Variants in AKT1S1 observed in about 807,000 individuals in gnomAD.
AKT1S1 encodes the protein AKT1 substrate 1, also known as proline-rich AKT1 substrate 1.
AKT1S1 carries 17 observed loss-of-function variants against 21.2 expected under a neutral mutation model. That is an observed-to-expected ratio of 0.80 (90% confidence interval 0.55 to 1.20). The LOEUF is 1.20. AKT1S1 is among the 50% of genes most tolerant of loss of function. The pLI, the probability that AKT1S1 is intolerant of heterozygous loss-of-function variation, is 0.00. For synonymous variants in AKT1S1, 181 were observed against 165.6 expected (o/e 1.09, Z -0.72); for missense variants, 366 against 368.3 (o/e 0.99, Z 0.05).
intron 1 of AKT1S1, chr19:49,876,206 G>A (rs898615936): frequency 1.9e-6 from 2 of 1,027,634 alleles, no homozygotes; most frequent in South Asian, 4.5e-5. Flanking sequence ...AACCTCGCCC[G>A]GGGTCCAGGG....
At position 49,871,679 on chromosome 19, in the gene AKT1S1, G is replaced by A. The variant is rs368386866; in HGVS notation, c.495C>T (p.Pro165=). The change falls in exon 4 of 5, where the codon CCC becomes CCT. Residue 165 remains proline (P), a synonymous_variant. Transcript: ENST00000344175. ...SLSEETPAGP[P]TCSVPPASAL... is the part of the protein sequence containing the mutation. ...CTGAGGCTGGGGGCACTGAGCAGGT[G>A]GGGGGGCCGGCGGGGGTCTCCTCGC... is the stretch of plus-strand genomic sequence containing the variant. 3.1e-6 allele frequency: 5 copies of A among 1,613,068 alleles called. No homozygotes were observed. Among genetic ancestry groups the A allele is most frequent in the Non-Finnish European group, 4.2e-6 (5 of 1,179,558 alleles).
At position 49,873,663 on chromosome 19, in the gene AKT1S1, T is replaced by G; in HGVS notation, c.-7-361A>C. 1 of 232,314 alleles carries G rather than the reference T, an allele frequency of 4.3e-6. No homozygotes were observed. The highest frequency in any genetic ancestry group is 9.3e-5 in the East Asian group (1 of 10,786). 14.4% of individuals were successfully genotyped at this position (232,314 alleles called of 1,614,324 possible). A position where few individuals can be genotyped will look rare whatever the true frequency, so the allele number is the denominator to read the frequency against. On this transcript the variant is annotated intron_variant, in intron 1 of 4. Transcript: ENST00000344175. This position sits in a 1 kb window ranked among gnomAD's most constrained non-coding sequence, Gnocchi z 6.9. ...GTCCTAGCAGAGAGGCCTCTAACAATAAAACCTGCACTGGGTTCTGAAGAC... is the reference window on the plus strand; with the variant it reads ...GTCCTAGCAGAGAGGCCTCTAACAAGAAAACCTGCACTGGGTTCTGAAGAC...
At chr19:49,875,615 C>A (rs1000415858) in intron 1 of AKT1S1, among the ~76,000 whole-genome samples, 1 of 152,176 alleles carries the variant, frequency 6.6e-6, no homozygotes, top group Admixed American at 6.5e-5. Context: ...GGGCCTCCAG[C>A]CCCTAATGAC....
At chr19:49,872,558 C>T (rs1272664902) in intron 2 of AKT1S1, among the ~76,000 whole-genome samples, 2 of 150,030 alleles carry the variant, frequency 1.3e-5, no homozygotes, top group African/African-American at 2.4e-5. Flanking sequence ...GCCTCCCAGG[C>T]GTTGTGGAAA....
intron 3 of AKT1S1, 27 bp downstream of exon 3, chr19:49,871,785 G>A (rs781763320): frequency 3.5e-5 from 57 of 1,611,524 alleles, no homozygotes; most frequent in South Asian, 2.0e-4. Flanking sequence ...CCCTCAGGTC[G>A]GGAGGGGAAC....
rs1308812591 is a variant in AKT1S1, at chr19:49,873,360, CCACT to C, written c.-7-62_-7-59del. On this transcript the variant is annotated intron_variant, in intron 1 of 4. Coordinates refer to ENST00000344175, the MANE Select transcript of AKT1S1 (RefSeq NM_001098633.4). This position sits in a 1 kb window ranked among gnomAD's most constrained non-coding sequence, Gnocchi z 6.9. ...GCTTGGCGGCCTACATCATCGCCACCCACTCAGAGTGCCCGCCCGTCCCCTGGAT... is the reference window on the plus strand; with the variant it reads ...GCTTGGCGGCCTACATCATCGCCACCCAGAGTGCCCGCCCGTCCCCTGGAT... 3.1e-5 allele frequency: 43 copies of C among 1,389,428 alleles called. No homozygotes were observed. The highest frequency in any genetic ancestry group is 3.2e-5 in the Non-Finnish European group (35 of 1,079,800). 86.1% of individuals were successfully genotyped at this position (1,389,428 alleles called of 1,614,324 possible).
At chr19:49,877,867 T>C (rs948494254), upstream of AKT1S1, 6 of 1,230,634 alleles carry the variant, frequency 4.9e-6, no homozygotes, top group African/African-American at 7.6e-5. Context: ...ACCGATCTCT[T>C]ATAAACGCGC....
At chr19:49,876,836 C>G in intron 1 of AKT1S1, 1 of 606,794 alleles carries the variant, frequency 1.6e-6, no homozygotes, top group Non-Finnish European at 2.6e-6. Context: ...TTTCCATTTG[C>G]CCCCAACAAT....
chr19:49,871,842 AG>A lies in AKT1S1; in HGVS notation c.426del (p.Phe143SerfsTer14). 1.9e-6 allele frequency: 3 copies of A among 1,611,202 alleles called. No individual in the cohort carries two copies. Among genetic ancestry groups the A allele is most frequent in the Admixed American group, 1.7e-5 (1 of 58,808 alleles). ...DEDATLQDLP[P>X]FCESDPESTD... is the part of the protein sequence containing the mutation. Reference sequence around the variant, plus strand: ...GTACTCTCGGGGTCTGACTCACAGAAGGGGGGAAGGTCCTGGAGGGTGGCGT... The same window carrying A: ...GTACTCTCGGGGTCTGACTCACAGAAGGGGGAAGGTCCTGGAGGGTGGCGT... On this transcript the variant is annotated frameshift_variant, in exon 3 of 5. Transcript: ENST00000344175. LOFTEE classifies it high-confidence loss of function.
At chr19:49,877,499 C>A (rs2122407946), upstream of AKT1S1, 1 of 549,978 alleles carries the variant, frequency 1.8e-6, no homozygotes, top group Non-Finnish European at 3.2e-6. Context: ...TGCGCACTCT[C>A]CGTAGCCGGA....
intron 4 of AKT1S1, 21 bp downstream of exon 4, chr19:49,871,526 C>T (rs757047673): frequency 3.7e-5 from 60 of 1,613,392 alleles, no homozygotes; most frequent in Non-Finnish European, 4.7e-5. Flanking sequence ...CCCTCCCTAC[C>T]TCCCCACATT....
At chr19:49,871,441 G>A in intron 4 of AKT1S1, 106 bp downstream of exon 4, 3 of 1,470,784 alleles carry the variant, frequency 2.0e-6, no homozygotes, top group Non-Finnish European at 2.8e-6. Flanking sequence ...GGAGGATTCA[G>A]TTAGCTTATG....
At chr19:49,870,110 T>G (rs763361389) in intron 4 of AKT1S1, 50 bp from the exon 5 acceptor site, 1 of 1,449,686 alleles carries the variant, frequency 6.9e-7, no homozygotes, top group East Asian at 2.8e-5. Flanking sequence ...GCAATCCCCC[T>G]GCACCCACAC....
In AKT1S1 at chr19:49,873,227, C is replaced by A. The variant is rs1459305860; in HGVS notation, c.69G>T (p.Arg23=). The A allele has an allele frequency of 6.5e-6, 10 of 1,536,868 alleles. No homozygotes were observed. Among genetic ancestry groups the A allele is most frequent in the Non-Finnish European group, 8.7e-6 (10 of 1,151,310 alleles). The change falls in exon 2 of 5, where the codon CGG becomes CGT. Residue 23 remains arginine, a synonymous_variant. Transcript: ENST00000344175. The surrounding 1 kb of genome is among the most constrained non-coding windows in gnomAD (Gnocchi z 6.9). ...TCAGCAGCACCAGCTCCGTGCCAGT[C>A]CGGGCCCGGAAGCGCTCAGCGGCCC... is the stretch of plus-strand genomic sequence containing the variant. ...VVGAAERFRA[R]TGTELVLLTA... is the part of the protein sequence containing the mutation.
chr19:49,871,259 C>T (rs2074880064), intron 4 of AKT1S1, among the ~76,000 whole-genome samples: 1 of 152,312 alleles, frequency 6.6e-6, no homozygotes, highest in African/African-American at 2.4e-5. Context: ...CTCAGTTTCT[C>T]CACTGGAGGG....
chr19:49,878,308 G>A, upstream of AKT1S1: 3 of 1,451,690 alleles, frequency 2.1e-6, no homozygotes, highest in Admixed American at 2.0e-5. Context: ...GGATGCAGGC[G>A]GCAGCTGTAG....
chr19:49,872,874 C>A, intron 2 of AKT1S1, 43 bp downstream of exon 2: 1 of 1,569,090 alleles, frequency 6.4e-7, no homozygotes, highest in South Asian at 1.2e-5. Flanking sequence ...CTGCGGGCAC[C>A]TCAAGCGCTG....
intron 1 of AKT1S1, chr19:49,875,182 G>A (rs978893362): frequency 2.0e-5 from 3 of 152,278 alleles, no homozygotes; most frequent in African/African-American, 7.2e-5. Context: ...ACAACTGGAA[G>A]AGGCAGGGCT....
rs951759248 is a variant in AKT1S1, at chr19:49,873,760, G to C, written c.-7-458C>G. On this transcript the variant is annotated intron_variant, in intron 1 of 4. Transcript: ENST00000344175. This position sits in a 1 kb window ranked among gnomAD's most constrained non-coding sequence, Gnocchi z 6.9. ...CAACCCCAGCACTTTGGGAGGCCGA[G>C]GCAGGCGGATCACCGAGCCCAAGAG... 1.2e-5 allele frequency: 2 copies of C among 161,506 alleles called. No homozygotes were observed. The highest frequency in any genetic ancestry group is 4.9e-5 in the African/African-American group (2 of 41,042). The allele number at this position is 161,506 out of a possible 1,614,324, so 10.0% of individuals were successfully genotyped here.
Sources: gnomAD v4.1 joint callset for allele counts (sites outside exome capture counted in the v4.1 genomes callset) on GRCh38, gnomAD v4.1.1 for gene constraint, Gnocchi (gnomAD v3.1) non-coding constraint, MANE v1.5 for transcripts, NCBI Gene and HGNC (gene_info 2026-07-23, HGNC 2026-07-21) for gene names.